The following SLC25A16 variants were observed in gnomAD, a reference collection of about 807,000 sequenced individuals.
SLC25A16 encodes the protein solute carrier family 25 member 16, also known as mitochondrial coenzyme A transporter SLC25A16.
In SLC25A16, 39 loss-of-function variants were observed where a neutral mutation model predicts 41.5. That is an observed-to-expected ratio of 0.94 (90% CI 0.73 to 1.23). SLC25A16 has a LOEUF of 1.23. SLC25A16 is among the 50% of genes most tolerant of loss of function. SLC25A16 has a pLI of 0.00. For synonymous variants in SLC25A16, 146 were observed against 147.8 expected, an observed-to-expected ratio of 0.99 and a Z score of 0.09; for missense variants, 421 against 426.9, an observed-to-expected ratio of 0.99 and a Z score of 0.12.
intron 1 of SLC25A16, among the ~76,000 whole-genome samples, chr10:68,519,742 C>T (rs2133595453): frequency 6.6e-6 from 1 of 150,892 alleles, no homozygotes; most frequent in South Asian, 2.1e-4. Flanking sequence ...TGGTGAAACC[C>T]CATCTCTTCT....
chr10:68,513,180 A>AT (rs72070583), intron 2 of SLC25A16, among the ~76,000 whole-genome samples: 102 of 145,874 alleles, frequency 7.0e-4, no homozygotes, highest in East Asian at 4.2e-3. Flanking sequence ...CCTACTCTCT[A>AT]TTTTTTTTTT....
At chr10:68,510,808 C>T (rs1053027838) in intron 2 of SLC25A16, among the ~76,000 whole-genome samples, 1 of 150,966 alleles carries the variant, frequency 6.6e-6, no homozygotes. Context: ...ACTGCACTCC[C>T]GCCTGGGCGA....
chr10:68,525,465 TTC>T (rs902633140), intron 1 of SLC25A16, among the ~76,000 whole-genome samples: 39 of 152,246 alleles, frequency 2.6e-4, no homozygotes, highest in African/African-American at 8.9e-4. Flanking sequence ...TGTTTTTTTC[TTC>T]TTTTAGGAGA....
chr10:68,503,488 G>A (rs1294791187), intron 4 of SLC25A16, 144 bp downstream of exon 4: 3 of 499,214 alleles, frequency 6.0e-6, no homozygotes, highest in African/African-American at 3.9e-5. Flanking sequence ...ACCTTTTTTT[G>A]AGGATGCACC....
At chr10:68,492,078 CAA>C (rs2052668595) in intron 6 of SLC25A16, among the ~76,000 whole-genome samples, 1 of 151,916 alleles carries the variant, frequency 6.6e-6, no homozygotes, top group East Asian at 1.9e-4. Flanking sequence ...CCTTGGCCTC[CAA>C]AAGTGCTGGG....
chr10:68,507,857 G>A (rs2052984158), intron 2 of SLC25A16, among the ~76,000 whole-genome samples: 1 of 152,110 alleles, frequency 6.6e-6, no homozygotes, highest in African/African-American at 2.4e-5. Context: ...GCCCTTCTCA[G>A]TAATTAAAAT....
At chr10:68,516,869 A>T (rs1217824403) in intron 1 of SLC25A16, 26 bp from the exon 2 acceptor site, 1 of 1,515,716 alleles carries the variant, frequency 6.6e-7, no homozygotes, top group Non-Finnish European at 9.1e-7. Context: ...AAGGTCAGGA[A>T]GAAATTGCGT....
chr10:68,480,106 C>T lies in SLC25A16; in HGVS notation c.*3326G>A, dbSNP rs2052468661. 1 of 151,916 alleles carries T rather than the reference C, an allele frequency of 6.6e-6. No individual in the cohort carries two copies. The highest frequency in any genetic ancestry group is 1.5e-5 in the Non-Finnish European group (1 of 68,002). The allele number at this position is 151,916 out of a possible 1,614,324, so 9.4% of individuals were successfully genotyped here. ...TAATTACTGAAAACTAGGAGGTATA[C>T]CTCACTTATCAATCTGGAAACCAGA... On this transcript the variant is annotated 3_prime_UTR_variant, in exon 9 of 9. Coordinates refer to ENST00000609923, the MANE Select transcript of SLC25A16 (RefSeq NM_152707.4).
intron 1 of SLC25A16, among the ~76,000 whole-genome samples, chr10:68,520,456 A>G (rs1427058913): frequency 2.6e-5 from 4 of 151,928 alleles, no homozygotes; most frequent in African/African-American, 9.7e-5. Context: ...TGGGAGGATC[A>G]CTTGAGGTCA....
chr10:68,513,293 C>T (rs1337369831), intron 2 of SLC25A16, among the ~76,000 whole-genome samples: 1 of 150,376 alleles, frequency 6.6e-6, no homozygotes, highest in Non-Finnish European at 1.5e-5. Context: ...CCTGTAGTCC[C>T]AGCTACATAG....
intron 2 of SLC25A16, among the ~76,000 whole-genome samples, chr10:68,508,511 C>G (rs1229388918): frequency 2.0e-5 from 3 of 150,824 alleles, no homozygotes; most frequent in African/African-American, 7.3e-5. Flanking sequence ...GTTGGGAGTT[C>G]GAGACCAGCT....
intron 1 of SLC25A16, among the ~76,000 whole-genome samples, chr10:68,520,987 T>C (rs1227711042): frequency 4.2e-5 from 6 of 144,096 alleles, no homozygotes; most frequent in African/African-American, 1.6e-4. Context: ...TACAAAAAAT[T>C]AGCCGGCATG....
intron 2 of SLC25A16, among the ~76,000 whole-genome samples, chr10:68,509,735 A>ATCTATCTATCTATATCTATATCTATC (rs201061957): frequency 7.0e-6 from 1 of 143,174 alleles, no homozygotes; most frequent in African/African-American, 2.7e-5. Context: ...ATCTATCTAT[A>ATCTATCTATCTATATCTATATCTATC]TATATATCTA....
Position 68,503,627 on chromosome 10 carries a change from C to G in SLC25A16, c.421+5G>C. 6.4e-7 allele frequency: 1 copy of G among 1,571,378 alleles called. No individual in the cohort carries two copies. ...CAGAAATAAAATATACCTAACTCCT[C>G]TTACCTGCCATGGATCCAGCCATTA... On this transcript the variant is annotated splice_donor_5th_base_variant and intron_variant, in intron 4 of 8. Coordinates refer to ENST00000609923, the MANE Select transcript of SLC25A16 (RefSeq NM_152707.4).
chr10:68,504,215 C>T (rs990737202), intron 3 of SLC25A16, among the ~76,000 whole-genome samples: 5 of 151,716 alleles, frequency 3.3e-5, no homozygotes, highest in African/African-American at 4.8e-5. Context: ...CGGGGTTTCA[C>T]CACATTGGTC....
chr10:68,513,301 T>C (rs139226545), intron 2 of SLC25A16, among the ~76,000 whole-genome samples: 3,258 of 146,076 alleles, frequency 0.022, 117 homozygotes, highest in African/African-American at 0.078. Flanking sequence ...CCCAGCTACA[T>C]AGGAGGCTGA....
At position 68,509,462 on chromosome 10, in the gene SLC25A16, C is replaced by A. The variant is rs79106939; in HGVS notation, c.224-2744G>T. On this transcript the variant is annotated intron_variant, in intron 2 of 8. Transcript: ENST00000609923. ...AGGCACAGTAGCTCATGCCAATAAT[C>A]TGAGCACTTTGTGGGGCCAAGGTGG... Among the ~76,000 whole-genome samples, 294 of 152,170 alleles carry A rather than the reference C, an allele frequency of 1.9e-3. 1 individual carries two copies. Among genetic ancestry groups the A allele is most frequent in the African/African-American group, 6.7e-3 (280 of 41,532 alleles).
In SLC25A16 at chr10:68,486,658, G is replaced by C. The variant is rs2052569186; in HGVS notation, c.842+486C>G. Among the ~76,000 whole-genome samples the C allele has an allele frequency of 2.6e-5, 4 of 151,994 alleles. No homozygotes were observed. The South Asian group carries it at 6.2e-4, about 24-fold the overall frequency. ...CAAAGTGCTAGGATTACAGGCACGAGCTATCGTGCCTGGCCCTAAATTAAA... is the reference window on the plus strand; with the variant it reads ...CAAAGTGCTAGGATTACAGGCACGACCTATCGTGCCTGGCCCTAAATTAAA... On this transcript the variant is annotated intron_variant, in intron 8 of 8. Coordinates refer to ENST00000609923, the MANE Select transcript of SLC25A16 (RefSeq NM_152707.4).
chr10:68,497,837 G>T (rs1284920278), intron 4 of SLC25A16, among the ~76,000 whole-genome samples: 3 of 151,770 alleles, frequency 2.0e-5, no homozygotes, highest in African/African-American at 7.3e-5. Flanking sequence ...GGCTGGTCTT[G>T]AACTCCTGAC....
Sources: allele counts gnomAD v4.1 joint callset (sites outside exome capture counted in the v4.1 genomes callset), GRCh38; gene constraint gnomAD v4.1.1; transcripts MANE v1.5; gene names NCBI Gene and HGNC (gene_info 2026-07-23, HGNC 2026-07-21).